The following EP400 variants were observed in gnomAD, a reference collection of about 807,000 sequenced individuals.
The protein encoded by EP400 is E1A binding protein p400, also known as E1A-binding protein p400.
A neutral mutation model predicts 354.1 loss-of-function variants in EP400; 105 were observed. The ratio of observed to expected loss-of-function variants is 0.30; its 90% CI spans 0.25 to 0.35. The LOEUF (loss-of-function observed/expected upper bound fraction) is 0.35. Ranked by LOEUF, EP400 falls within the 10% of genes least tolerant of loss-of-function variation. The probability of loss-of-function intolerance (pLI) is 1.00; values close to 1 mark genes in which losing one functional copy is unlikely to be tolerated. For missense variants in EP400, 3,280 were observed against 4,121.0 expected (o/e 0.80, Z 5.59); for synonymous variants, 1,646 against 1,716.9 (o/e 0.96, Z 1.02).
rs150069044 is a variant in EP400 at position 132,046,200 on chromosome 12, G to T, written c.7200+300G>T. Among the ~76,000 whole-genome samples, 7 of 152,314 alleles carry T rather than the reference G, an allele frequency of 4.6e-5. No individual in the cohort carries two copies. In the East Asian group the frequency reaches 1.3e-3, roughly 29 times the overall value. ...ATCTGATACCAACATTTGCACTGCC[G>T]TTGTCATTTCTAAGATAATGAGGGT... On this transcript the variant is annotated intron_variant, in intron 39 of 52. Transcript: ENST00000389561.
chr12:132,067,577 G>T lies in EP400; in HGVS notation c.8874+91G>T. 1 of 1,519,504 alleles carries T rather than the reference G, an allele frequency of 6.6e-7. No individual in the cohort carries two copies. The highest frequency in any genetic ancestry group is 1.2e-5 in the South Asian group (1 of 80,186). 94.1% of individuals were successfully genotyped at this position (1,519,504 alleles called of 1,614,324 possible). ...GGGTCCTAAGCAGACAAATCCCCAT[G>T]TGGCGGCTCACGCTTTTCAGAGGGT... On this transcript the variant is annotated intron_variant, in intron 50 of 52. Coordinates refer to ENST00000389561, the MANE Select transcript of EP400 (RefSeq NM_015409.5). The surrounding 1 kb of genome is among the most constrained non-coding windows in gnomAD (Gnocchi z 5.3).
rs1464440039 is a variant in EP400 at position 132,054,473 on chromosome 12, A to G, written c.7729-501A>G. On this transcript the variant is annotated intron_variant, in intron 43 of 52. Coordinates refer to ENST00000389561, the MANE Select transcript of EP400 (RefSeq NM_015409.5). This position sits in a 1 kb window ranked among gnomAD's most constrained non-coding sequence, Gnocchi z 4.0. ...GAGGCAGCCAAAGGGATCATTTTAAATGCTGGCGGGAGGAGTCAGGGTGGC... is the reference window on the plus strand; with the variant it reads ...GAGGCAGCCAAAGGGATCATTTTAAGTGCTGGCGGGAGGAGTCAGGGTGGC... Among the ~76,000 whole-genome samples the G allele has an allele frequency of 6.6e-6, 1 of 152,228 alleles. No individual in the cohort carries two copies. Among genetic ancestry groups the G allele is most frequent in the Non-Finnish European group, 1.5e-5 (1 of 68,040 alleles).
At position 131,961,900 on chromosome 12, in the gene EP400, AGAG is replaced by A. The variant is rs752787745; in HGVS notation, c.1296_1298del (p.Glu437del). The stretch of plus-strand genomic sequence containing the variant: ...GGCAGAATGATTTGGACATTGAAGA[AGAG>A]GAGGAGGAGGAGGAAGAGGAGGAAG... On this transcript the variant is annotated inframe_deletion, in exon 2 of 53. Coordinates refer to ENST00000389561, the MANE Select transcript of EP400 (RefSeq NM_015409.5). The A allele has an allele frequency of 3.3e-4, 526 of 1,610,972 alleles. 2 individuals carry two copies. Among genetic ancestry groups the A allele is most frequent in the Middle Eastern group, 9.9e-4 (6 of 6,048 alleles).
At chr12:132,036,116 G>C (rs570052722) in intron 30 of EP400, among the ~76,000 whole-genome samples, 2 of 146,958 alleles carry the variant, frequency 1.4e-5, no homozygotes, top group East Asian at 2.1e-4. Flanking sequence ...ACACACCCGG[G>C]TTCACACGGA....
Position 132,027,740 on chromosome 12 carries a change from T to C in EP400, c.5109+209T>C, listed in dbSNP as rs1440743261. Among the ~76,000 whole-genome samples the C allele has an allele frequency of 6.6e-6, 1 of 152,268 alleles. No individual in the cohort carries two copies. The highest frequency in any genetic ancestry group is 2.4e-5 in the African/African-American group (1 of 41,476). ...TTTTTTTGTATTTTTTATGTCCTTC[T>C]GCAAGTCTTCCTGGGCATTAGAATT... On this transcript the variant is annotated intron_variant, in intron 26 of 52. Transcript: ENST00000389561. This position sits in a 1 kb window ranked among gnomAD's most constrained non-coding sequence, Gnocchi z 4.9.
At chr12:132,042,175 C>T (rs944112921) in intron 32 of EP400, among the ~76,000 whole-genome samples, 2 of 151,994 alleles carry the variant, frequency 1.3e-5, no homozygotes, top group Non-Finnish European at 2.9e-5. Flanking sequence ...GGTCTTGAAC[C>T]TCTGACCTCA....
intron 19 of EP400, among the ~76,000 whole-genome samples, chr12:132,016,418 G>A (rs1893936115): frequency 6.6e-6 from 1 of 152,034 alleles, no homozygotes; most frequent in South Asian, 2.1e-4. Flanking sequence ...ACCTAGGCTG[G>A]AGTGCAGTGG....
Position 132,027,867 on chromosome 12 carries a change from A to C in EP400, c.5110-150A>C. The C allele has an allele frequency of 1.1e-6, 1 of 877,166 alleles. No individual in the cohort carries two copies. The allele number at this position is 877,166 out of a possible 1,614,324, so 54.3% of individuals were successfully genotyped here. A position where few individuals can be genotyped will look rare whatever the true frequency, so the allele number is the denominator to read the frequency against. On this transcript the variant is annotated intron_variant, in intron 26 of 52. Transcript: ENST00000389561. The surrounding 1 kb of genome is among the most constrained non-coding windows in gnomAD (Gnocchi z 4.9). Reference sequence around the variant, plus strand: ...TCTATTTCCTGTAGCTCTCGGCTTCATTTCTATCTCTATTTCCTGTAACAC... The same window carrying C: ...TCTATTTCCTGTAGCTCTCGGCTTCCTTTCTATCTCTATTTCCTGTAACAC...
At chr12:132,011,759 TTAACA>T in intron 16 of EP400, 125 bp downstream of exon 16, 3 of 1,209,268 alleles carry the variant, frequency 2.5e-6, no homozygotes, top group Non-Finnish European at 3.4e-6. Flanking sequence ...CATTCATGAG[TTAACA>T]GACCTTTATG....
Position 132,027,833 on chromosome 12 carries a change from A to G in EP400, c.5110-184A>G, listed in dbSNP as rs1003499622. Among the ~76,000 whole-genome samples, 2 of 152,062 alleles carry G rather than the reference A, an allele frequency of 1.3e-5. No individual in the cohort carries two copies. Among genetic ancestry groups the G allele is most frequent in the Non-Finnish European group, 2.9e-5 (2 of 68,020 alleles). ...AGAGAACGCTTGTGCTCTCGGCTTC[A>G]TTTCCATCTCTATTTCCTGTAGCTC... is the stretch of plus-strand genomic sequence containing the variant. On this transcript the variant is annotated intron_variant, in intron 26 of 52. Transcript: ENST00000389561. This position sits in a 1 kb window ranked among gnomAD's most constrained non-coding sequence, Gnocchi z 4.9.
intron 19 of EP400, among the ~76,000 whole-genome samples, chr12:132,015,686 G>A (rs1893905484): frequency 6.6e-6 from 1 of 152,190 alleles, no homozygotes; most frequent in Non-Finnish European, 1.5e-5. Flanking sequence ...TGCTCCCTGG[G>A]TTAATGGCAG....
chr12:132,005,254 T>G, intron 13 of EP400, 70 bp downstream of exon 13: 1 of 1,149,518 alleles, frequency 8.7e-7, no homozygotes, highest in Non-Finnish European at 1.2e-6. Flanking sequence ...AGACTTAAAA[T>G]AAGATTTAGA....
At chr12:132,068,518 G>A (rs1474897339) in intron 50 of EP400, 1 of 152,354 alleles carries the variant, frequency 6.6e-6, no homozygotes, top group Admixed American at 6.5e-5. Context: ...GGCCCTATGG[G>A]TGAAGCCCTG....
rs117931124 is a variant in EP400 at position 131,975,196 on chromosome 12, C to T, written c.1336-4498C>T. ...AAGCAGGCTGAGTGTCAGCCACAGCCGGGGAGCAGTCAACAGGGCGCACAG... is the reference window on the plus strand; with the variant it reads ...AAGCAGGCTGAGTGTCAGCCACAGCTGGGGAGCAGTCAACAGGGCGCACAG... On this transcript the variant is annotated intron_variant, in intron 2 of 52. Coordinates refer to ENST00000389561, the MANE Select transcript of EP400 (RefSeq NM_015409.5). Among the ~76,000 whole-genome samples the T allele has an allele frequency of 7.1e-3, 1,085 of 152,176 alleles. 34 individuals carry two copies. In the South Asian group the frequency reaches 0.093, roughly 13 times the overall value.
intron 30 of EP400, among the ~76,000 whole-genome samples, chr12:132,033,672 C>G (rs1463944364): frequency 6.6e-6 from 1 of 151,906 alleles, no homozygotes; most frequent in Non-Finnish European, 1.5e-5. Context: ...GCTGGGACTA[C>G]AGGTGTGCAG....
At position 131,961,879 on chromosome 12, in the gene EP400, G is replaced by A. The variant is rs1343121915; in HGVS notation, c.1260G>A (p.Gln420=). 3 of 1,614,062 alleles carry A rather than the reference G, an allele frequency of 1.9e-6. No homozygotes were observed. In the South Asian group the frequency reaches 3.3e-5, roughly 18 times the overall value. The change falls in exon 2 of 53, where the codon CAG becomes CAA. Residue 420 remains glutamine, a synonymous_variant. Coordinates refer to ENST00000389561, the MANE Select transcript of EP400 (RefSeq NM_015409.5). ...CCCCATTACAAGCATATCTTAGGCA[G>A]AATGATTTGGACATTGAAGAAGAGG... ...HYAPLQAYLR[Q]NDLDIEEEEE... is the part of the protein sequence containing the mutation.
At chr12:132,071,573 C>G (rs1161586694) in intron 51 of EP400, among the ~76,000 whole-genome samples, 1 of 152,214 alleles carries the variant, frequency 6.6e-6, no homozygotes, top group African/African-American at 2.4e-5. Flanking sequence ...CTTCCTGTTG[C>G]TACTGTCAGC....
At position 132,062,698 on chromosome 12, in the gene EP400, G is replaced by A. The variant is rs564402347; in HGVS notation, c.8331G>A (p.Thr2777=). 2.1e-5 allele frequency: 34 copies of A among 1,613,410 alleles called. No individual in the cohort carries two copies. Among genetic ancestry groups the A allele is most frequent in the Middle Eastern group, 1.7e-4 (1 of 6,060 alleles). The change falls in exon 47 of 53, where the codon ACG becomes ACA. Residue 2777 remains threonine (T), a synonymous_variant. Transcript: ENST00000389561. ...PAQIKAVGKL[T]PEHLIKMQKQ... is the part of the protein sequence containing the mutation. ...AGATCAAAGCTGTGGGCAAGCTGAC[G>A]CCGGTGAGCATTTCCCAGAGGACCA...
rs1896011023 is a variant in EP400 at position 132,069,656 on chromosome 12, G to A, written c.9021+15G>A. On this transcript the variant is annotated intron_variant, in intron 51 of 52. Transcript: ENST00000389561. ...CCCAGATCCAGGTGAGCGGGGAACAGGGTGAGGGCCCGAGTGTCAGGAGTG... is the reference window on the plus strand; with the variant it reads ...CCCAGATCCAGGTGAGCGGGGAACAAGGTGAGGGCCCGAGTGTCAGGAGTG... 4 of 1,613,462 alleles carry A rather than the reference G, an allele frequency of 2.5e-6. No homozygotes were observed. Among genetic ancestry groups the A allele is most frequent in the Admixed American group, 1.7e-5 (1 of 59,962 alleles).
Sources: allele counts gnomAD v4.1 joint callset (sites outside exome capture counted in the v4.1 genomes callset), GRCh38; gene constraint gnomAD v4.1.1; non-coding constraint Gnocchi (gnomAD v3.1); transcripts MANE v1.5; gene names NCBI Gene and HGNC (gene_info 2026-07-23, HGNC 2026-07-21).